UST: variants seen among roughly 807,000 people sequenced by gnomAD.
UST encodes chondroitin sulfate 2-O-sulfotransferase.
Under a neutral mutation model 45.6 loss-of-function variants are expected in UST, and 21 were observed. The ratio of observed to expected loss-of-function variants is 0.46; its 90% CI spans 0.33 to 0.66. The LOEUF is 0.66. UST is among the 30% of genes least tolerant of loss of function. The pLI is 0.02. For synonymous variants in UST, 215 were observed against 200.6 expected, an observed-to-expected ratio of 1.07 and a Z score of -0.61; for missense variants, 463 against 512.4, an observed-to-expected ratio of 0.90 and a Z score of 0.93.
chr6:149,051,665 T>C (rs1582977798), intron 7 of UST, among the ~76,000 whole-genome samples: 2 of 152,324 alleles, frequency 1.3e-5, no homozygotes, highest in Middle Eastern at 6.8e-3. Context: ...CAGGCTATGG[T>C]TTCCCCTTTG....
intron 1 of UST, among the ~76,000 whole-genome samples, chr6:148,879,952 C>CTTTTTTT (rs766758383): frequency 8.3e-6 from 1 of 119,856 alleles, no homozygotes; most frequent in Non-Finnish European, 1.8e-5. Context: ...TTTTTTTTTT[C>CTTTTTTT]TTTTTTTTTT....
rs532689744 is a variant in UST at position 148,880,096 on chromosome 6, A to G, written c.248-6890A>G. On this transcript the variant is annotated intron_variant, in intron 1 of 7. Coordinates refer to ENST00000367463, the MANE Select transcript of UST (RefSeq NM_005715.3). ...CAGCTGCCTGAGTAGCTGGGATTAC[A>G]GGTACCCACCACCAGGCTCAGCTAA... Among the ~76,000 whole-genome samples the G allele has an allele frequency of 4.8e-3, 724 of 152,174 alleles. 6 individuals are homozygous for G. The highest frequency in any genetic ancestry group is 8.1e-3 in the Non-Finnish European group (551 of 68,012).
At chr6:148,905,933 A>G (rs959605033) in intron 2 of UST, among the ~76,000 whole-genome samples, 1 of 152,194 alleles carries the variant, frequency 6.6e-6, no homozygotes, top group Non-Finnish European at 1.5e-5. Flanking sequence ...GTATGCATAT[A>G]TTGTTATCTC....
At chr6:148,878,263 A>C in intron 1 of UST, among the ~76,000 whole-genome samples, 1 of 34,284 alleles carries the variant, frequency 2.9e-5, no homozygotes, top group East Asian at 8.1e-4. Context: ...ATGAGTGCGG[A>C]GATCGTGTAT....
At chr6:148,813,476 G>T (rs543612729) in intron 1 of UST, among the ~76,000 whole-genome samples, 139 of 152,124 alleles carry the variant, frequency 9.1e-4, no homozygotes, top group African/African-American at 3.3e-3. Context: ...CCACCTCCCG[G>T]GTTCAAGTGA....
intron 1 of UST, among the ~76,000 whole-genome samples, chr6:148,870,715 C>T (rs1333164202): frequency 6.6e-6 from 1 of 152,126 alleles, no homozygotes; most frequent in African/African-American, 2.4e-5. Context: ...CTCACAGTGG[C>T]CTGTTCCCTC....
chr6:148,950,058 A>C (rs1780335413), intron 3 of UST, among the ~76,000 whole-genome samples: 1 of 152,196 alleles, frequency 6.6e-6, no homozygotes, highest in Non-Finnish European at 1.5e-5. Context: ...TTCCATTGGC[A>C]GGTAGTCACC....
Position 148,934,362 on chromosome 6 carries a change from T to A in UST, c.292-6917T>A, listed in dbSNP as rs925990462. Reference sequence around the variant, plus strand: ...ATGGAGTTGCTGAAAAATCATGAACTGCAGTTTTATTCGTCAAGCAAAGTC... The same window carrying A: ...ATGGAGTTGCTGAAAAATCATGAACAGCAGTTTTATTCGTCAAGCAAAGTC... On this transcript the variant is annotated intron_variant, in intron 2 of 7. Coordinates refer to ENST00000367463, the MANE Select transcript of UST (RefSeq NM_005715.3). This position sits in a 1 kb window ranked among gnomAD's most constrained non-coding sequence, Gnocchi z 4.1. Among the ~76,000 whole-genome samples, 5 of 152,212 alleles carry A rather than the reference T, an allele frequency of 3.3e-5. No homozygotes were observed. Among genetic ancestry groups the A allele is most frequent in the Admixed American group, 6.5e-5 (1 of 15,284 alleles).
chr6:149,019,150 G>C lies in UST; in HGVS notation c.693G>C (p.Glu231Asp), dbSNP rs779785562. ...RQEERYLDIN[E>D]CILENYPECS... The stretch of plus-strand genomic sequence containing the variant: ...ATTTTCTCTTCTAGGATATCAATGA[G>C]TGTATTCTTGAAAACTATCCCGAGT... The change falls in exon 6 of 8, where the codon GAG (glutamate) becomes GAC (aspartate). Residue 231 changes from glutamate to aspartate, a missense_variant. Glu to Asp is a conservative substitution (Grantham distance 45, BLOSUM62 2). Around this residue, in one of 2 missense-constraint regions of UST, gnomAD observed 287 missense variants for 374.2 expected, o/e 0.77. Transcript: ENST00000367463. 3.1e-6 allele frequency: 5 copies of C among 1,612,966 alleles called. No individual in the cohort carries two copies. Among genetic ancestry groups the C allele is most frequent in the South Asian group, 1.1e-5 (1 of 91,072 alleles).
At chr6:148,883,375 G>A (rs62426100) in intron 1 of UST, among the ~76,000 whole-genome samples, 27,945 of 152,162 alleles carry the variant, frequency 0.18, 2,780 homozygotes, top group Middle Eastern at 0.33. Flanking sequence ...CCCGAGCTTG[G>A]AGTTTGAGGA....
rs192006757 is a variant in UST, at chr6:148,856,817, G to A, written c.248-30169G>A. Among the ~76,000 whole-genome samples, 7 of 152,228 alleles carry A rather than the reference G, an allele frequency of 4.6e-5. No homozygotes were observed. The East Asian group carries it at 1.4e-3, about 29-fold the overall frequency. On this transcript the variant is annotated intron_variant, in intron 1 of 7. Transcript: ENST00000367463. ...CTTATGGAGAATTGGGATCTAAACT[G>A]TTACTGTGGTTGAATCCCTGACTTT... is the stretch of plus-strand genomic sequence containing the variant.
intron 1 of UST, among the ~76,000 whole-genome samples, chr6:148,819,917 T>C (rs1777424300): frequency 6.6e-6 from 1 of 152,168 alleles, no homozygotes; most frequent in Non-Finnish European, 1.5e-5. Flanking sequence ...CTTCTGGGGG[T>C]TTATACCCTT....
intron 7 of UST, among the ~76,000 whole-genome samples, chr6:149,045,444 G>C (rs1465999018): frequency 1.3e-5 from 2 of 152,194 alleles, no homozygotes; most frequent in East Asian, 1.9e-4. Context: ...GTCATGAAAA[G>C]TAAGGGCAAA....
chr6:148,747,802 T>G (rs1374917127), intron 1 of UST, 125 bp downstream of exon 1: 1 of 1,255,618 alleles, frequency 8.0e-7, no homozygotes, highest in African/African-American at 1.6e-5. Context: ...TCTCTCCAGG[T>G]GCTAAGCCCG....
chr6:148,968,509 G>A (rs935838349), intron 5 of UST, among the ~76,000 whole-genome samples: 3 of 152,234 alleles, frequency 2.0e-5, no homozygotes, highest in African/African-American at 4.8e-5. Flanking sequence ...GGAGTCCTCT[G>A]AACCCAGGCA....
At chr6:148,971,001 A>G (rs1263381623) in intron 5 of UST, among the ~76,000 whole-genome samples, 1 of 152,208 alleles carries the variant, frequency 6.6e-6, no homozygotes, top group Non-Finnish European at 1.5e-5. Flanking sequence ...CCCAGGGATT[A>G]GGATAGGGAC....
intron 1 of UST, among the ~76,000 whole-genome samples, chr6:148,809,282 C>T (rs181760293): frequency 6.6e-6 from 1 of 151,876 alleles, no homozygotes; most frequent in Admixed American, 6.5e-5. Flanking sequence ...TAATCTGTCA[C>T]ACTAAACCAC....
chr6:148,859,322 C>T (rs1399339533), intron 1 of UST, among the ~76,000 whole-genome samples: 1 of 152,168 alleles, frequency 6.6e-6, no homozygotes, highest in Non-Finnish European at 1.5e-5. Flanking sequence ...ATCCTTTGCC[C>T]ACTTTTTGAT....
chr6:148,897,191 TGAGTCTCACACTGTC>T (rs1779148740), intron 2 of UST, among the ~76,000 whole-genome samples: 1 of 152,132 alleles, frequency 6.6e-6, no homozygotes, highest in South Asian at 2.1e-4. Flanking sequence ...TTTTTGAGAC[TGAGTCTCACACTGTC>T]GTCCAGGCTG....
Sources: gnomAD v4.1 joint callset for allele counts (sites outside exome capture counted in the v4.1 genomes callset) on GRCh38, gnomAD v4.1.1 for gene constraint, gnomAD v4.1.1 regional missense constraint, Gnocchi (gnomAD v3.1) non-coding constraint, MANE v1.5 for transcripts, NCBI Gene and HGNC (gene_info 2026-07-23, HGNC 2026-07-21) for gene names.